The following KNTC1 variants were observed in gnomAD, a reference collection of about 807,000 sequenced individuals.
The protein encoded by KNTC1 is kinetochore-associated protein 1.
A neutral mutation model predicts 314.4 loss-of-function variants in KNTC1; 253 were observed. That is an observed-to-expected ratio of 0.80 (90% CI 0.73 to 0.89). KNTC1 has a LOEUF of 0.89. KNTC1 is among the 40% of genes least tolerant of loss of function. KNTC1 has a pLI of 0.00. For missense variants in KNTC1, 2,475 were observed against 2,572.9 expected (o/e 0.96, Z 0.82); for synonymous variants, 901 against 901.4 (o/e 1.00, Z 0.01).
In KNTC1 at chr12:122,613,191, C is replaced by G; in HGVS notation, c.5702C>G (p.Thr1901Ser). ...CTCTTCTATTTGGCTGACAAGGAAA[C>G]TATAGAATCTCTCTTTAAAAAACCC... is the stretch of plus-strand genomic sequence containing the variant. ...QCLFYLADKE[T>S]IESLFKKPIE... Residue 1901 changes from threonine (T) to serine (S), a missense_variant, in exon 54 of 64, where the codon ACT becomes AGT. Thr to Ser is a moderately conservative substitution (Grantham distance 58). Coordinates refer to ENST00000333479, the MANE Select transcript of KNTC1 (RefSeq NM_014708.6). 1 of 1,611,742 alleles carries G rather than the reference C, an allele frequency of 6.2e-7. No homozygotes were observed. The highest frequency in any genetic ancestry group is 1.7e-5 in the Admixed American group (1 of 59,888).
chr12:122,596,079 CTTTT>C (rs1200717202), intron 43 of KNTC1, among the ~76,000 whole-genome samples: 24 of 111,398 alleles, frequency 2.2e-4, no homozygotes, highest in South Asian at 1.5e-3. Flanking sequence ...TAACCAGATT[CTTTT>C]TTTTTTTTTT....
intron 20 of KNTC1, among the ~76,000 whole-genome samples, chr12:122,563,008 C>A (rs201600784): frequency 9.8e-5 from 14 of 142,670 alleles, no homozygotes; most frequent in East Asian, 6.2e-4. Flanking sequence ...GACTCGGTCT[C>A]AAAAAAAAAA....
At chr12:122,535,264 C>T (rs1043459558) in intron 3 of KNTC1, among the ~76,000 whole-genome samples, 2 of 152,180 alleles carry the variant, frequency 1.3e-5, no homozygotes, top group Admixed American at 6.5e-5. Flanking sequence ...TGGCTCATGC[C>T]TGCAATCCCA....
chr12:122,543,748 T>C lies in KNTC1; in HGVS notation c.558+114T>C, dbSNP rs1962532357. On this transcript the variant is annotated intron_variant, in intron 7 of 63. Transcript: ENST00000333479. ...CTTGATATTTTAGAAATTATTATGA[T>C]ATAACATTTTAATAACATTTCTATT... is the stretch of plus-strand genomic sequence containing the variant. The C allele has an allele frequency of 1.1e-5, 7 of 641,322 alleles. No individual in the cohort carries two copies. In the South Asian group the frequency reaches 1.7e-4, roughly 15 times the overall value. 39.7% of individuals were successfully genotyped at this position (641,322 alleles called of 1,614,324 possible).
At chr12:122,611,473 C>CA (rs1316763688) in intron 53 of KNTC1, 1 of 152,216 alleles carries the variant, frequency 6.6e-6, no homozygotes, top group African/African-American at 2.4e-5. Flanking sequence ...AAGTCCGTGA[C>CA]AAAAAGGAAA....
At chr12:122,595,595 G>T (rs1210994784) in intron 43 of KNTC1, among the ~76,000 whole-genome samples, 1 of 152,194 alleles carries the variant, frequency 6.6e-6, no homozygotes, top group Non-Finnish European at 1.5e-5. Flanking sequence ...TCACCATCTA[G>T]TACCTGTAAG....
At chr12:122,598,416 C>CTTTTTTTT (rs1421861222) in intron 44 of KNTC1, among the ~76,000 whole-genome samples, 2 of 90,046 alleles carry the variant, frequency 2.2e-5, no homozygotes, top group African/African-American at 4.6e-5. Context: ...TTTTCTTTTT[C>CTTTTTTTT]TTTTCTTTTT....
Position 122,549,750 on chromosome 12 carries a change from C to A in KNTC1, c.988-16C>A. On this transcript the variant is annotated splice_polypyrimidine_tract_variant and intron_variant, in intron 12 of 63. Coordinates refer to ENST00000333479, the MANE Select transcript of KNTC1 (RefSeq NM_014708.6). ...AAATTGATCTGCTAAATTAATTGCT[C>A]TGCTATTTTTCTTAGATGAAAAACC... The A allele has an allele frequency of 1.6e-6, 2 of 1,216,012 alleles. No individual in the cohort carries two copies. Among genetic ancestry groups the A allele is most frequent in the South Asian group, 1.3e-5 (1 of 77,508 alleles). 75.3% of individuals were successfully genotyped at this position (1,216,012 alleles called of 1,614,324 possible).
chr12:122,545,660 A>C (rs1045171045), intron 8 of KNTC1, among the ~76,000 whole-genome samples: 6 of 152,164 alleles, frequency 3.9e-5, no homozygotes, highest in Non-Finnish European at 7.3e-5. Context: ...CTCATTAAAT[A>C]TTTATGTGAA....
At chr12:122,554,076 A>AAAATATATATATAT (rs370146333) in intron 16 of KNTC1, among the ~76,000 whole-genome samples, 6 of 109,050 alleles carry the variant, frequency 5.5e-5, no homozygotes, top group South Asian at 3.2e-4. Flanking sequence ...AAAAAAAAAA[A>AAAATATATATATAT]ATATATATAT....
chr12:122,624,748 T>G, intron 63 of KNTC1, 60 bp downstream of exon 63: 3 of 1,169,300 alleles, frequency 2.6e-6, no homozygotes, highest in Non-Finnish European at 3.9e-6. Flanking sequence ...CCTAGGGCCT[T>G]AAAATTGACA....
chr12:122,602,921 A>C (rs747762200), intron 47 of KNTC1, 34 bp downstream of exon 47: 14 of 1,562,376 alleles, frequency 9.0e-6, no homozygotes, highest in Non-Finnish European at 1.1e-5. Flanking sequence ...ACATTTCTGT[A>C]TCCTGCAATT....
Position 122,575,648 on chromosome 12 carries a change from T to G in KNTC1, c.2486+2T>G. 2 of 1,577,776 alleles carry G rather than the reference T, an allele frequency of 1.3e-6. No homozygotes were observed. The highest frequency in any genetic ancestry group is 1.7e-6 in the Non-Finnish European group (2 of 1,157,568). On this transcript the variant is annotated splice_donor_variant, in intron 28 of 63. Coordinates refer to ENST00000333479, the MANE Select transcript of KNTC1 (RefSeq NM_014708.6). LOFTEE classifies it high-confidence loss of function. ...GCACCTGGAAATGGACCATCCCAAGTAAGATGACTGTCTACGAAACAATGT... is the reference window on the plus strand; with the variant it reads ...GCACCTGGAAATGGACCATCCCAAGGAAGATGACTGTCTACGAAACAATGT...
At chr12:122,578,295 T>A (rs920159635) in intron 31 of KNTC1, among the ~76,000 whole-genome samples, 1 of 152,126 alleles carries the variant, frequency 6.6e-6, no homozygotes, top group Non-Finnish European at 1.5e-5. Context: ...ATATAGGAGA[T>A]GAGGTCTTGG....
Position 122,538,442 on chromosome 12 carries a change from A to G in KNTC1, c.354A>G (p.Thr118=), listed in dbSNP as rs754739586. 9.2e-5 allele frequency: 142 copies of G among 1,544,264 alleles called. No individual in the cohort carries two copies. Among genetic ancestry groups the G allele is most frequent in the Non-Finnish European group, 1.2e-4 (140 of 1,129,182 alleles). The change falls in exon 4 of 64, where the codon ACA becomes ACG. Residue 118 remains threonine (T), a synonymous_variant. Coordinates refer to ENST00000333479, the MANE Select transcript of KNTC1 (RefSeq NM_014708.6). ...TTATTCATGTAACATCAAAACAAAC[A>G]CTACTCACTAATGTAAGATCTTGTT... ...LHLIHVTSKQ[T]LLTNAFVQKA... is the part of the protein sequence containing the mutation.
chr12:122,598,028 G>A (rs548062750), intron 44 of KNTC1, 90 bp downstream of exon 44: 2 of 902,626 alleles, frequency 2.2e-6, no homozygotes, highest in African/African-American at 1.7e-5. Flanking sequence ...GGATGTATAA[G>A]TCTATATTTT....
chr12:122,604,678 A>T, intron 49 of KNTC1, 41 bp downstream of exon 49: 3 of 1,400,272 alleles, frequency 2.1e-6, no homozygotes, highest in Non-Finnish European at 3.0e-6. Flanking sequence ...TCTTCTTCCT[A>T]ATTAAATTGT....
At chr12:122,619,864 G>A (rs1004467297) in intron 59 of KNTC1, among the ~76,000 whole-genome samples, 1 of 152,066 alleles carries the variant, frequency 6.6e-6, no homozygotes, top group Non-Finnish European at 1.5e-5. Context: ...ATACAGCGTT[G>A]TCGCATATAT....
In KNTC1 at chr12:122,613,198, A is replaced by G; in HGVS notation, c.5709A>G (p.Glu1903=). The change falls in exon 54 of 64, where the codon GAA becomes GAG. Residue 1903 remains glutamate (E), a synonymous_variant. Coordinates refer to ENST00000333479, the MANE Select transcript of KNTC1 (RefSeq NM_014708.6). The part of the protein sequence containing the change: ...LFYLADKETI[E]SLFKKPIEEV... ...ATTTGGCTGACAAGGAAACTATAGA[A>G]TCTCTCTTTAAAAAACCCATTGAAG... 1 of 1,610,532 alleles carries G rather than the reference A, an allele frequency of 6.2e-7. No individual in the cohort carries two copies. The highest frequency in any genetic ancestry group is 8.5e-7 in the Non-Finnish European group (1 of 1,177,194).
Sources: allele counts gnomAD v4.1 joint callset (sites outside exome capture counted in the v4.1 genomes callset), GRCh38; gene constraint gnomAD v4.1.1; transcripts MANE v1.5; gene names NCBI Gene and HGNC (gene_info 2026-07-23, HGNC 2026-07-21).